Variants in CATSPERT observed in about 807,000 individuals in gnomAD.
CATSPERT encodes the protein cation channel sperm-associated targeting subunit tau.
the CATSPERT span, among the ~76,000 whole-genome samples, chr2:201,545,879 A>G: frequency 1.3e-5 from 2 of 152,094 alleles, no homozygotes; most frequent in Non-Finnish European, 2.9e-5. Context: ...TGGATAGAGT[A>G]TTTGAGTGAT....
chr2:201,494,176 T>C, the CATSPERT span: 2 of 1,533,630 alleles, frequency 1.3e-6, no homozygotes, highest in Non-Finnish European at 1.7e-6. Context: ...TACGTTGTCT[T>C]CCATACTACT....
At chr2:201,566,311 C>T in the CATSPERT span, among the ~76,000 whole-genome samples, 1 of 150,006 alleles carries the variant, frequency 6.7e-6, no homozygotes. Flanking sequence ...CACCCATTAA[C>T]TCGTCATTTA....
At chr2:201,603,119 C>A in the CATSPERT span, 2 of 933,200 alleles carry the variant, frequency 2.1e-6, no homozygotes, top group Non-Finnish European at 1.6e-6. Flanking sequence ...ATAAAATGGT[C>A]AATGTGTTAA....
At chr2:201,520,005 A>G in the CATSPERT span, among the ~76,000 whole-genome samples, 1 of 152,346 alleles carries the variant, frequency 6.6e-6, no homozygotes, top group East Asian at 1.9e-4. Context: ...ACGAAAAGCA[A>G]GCAGGGATAG....
the CATSPERT span, among the ~76,000 whole-genome samples, chr2:201,603,932 T>C: frequency 6.6e-6 from 1 of 152,098 alleles, no homozygotes; most frequent in Admixed American, 6.5e-5. Context: ...TGATAGGAGG[T>C]AGAGGGACAA....
chr2:201,600,729 C>T, the CATSPERT span, among the ~76,000 whole-genome samples: 4 of 150,480 alleles, frequency 2.7e-5, no homozygotes, highest in Non-Finnish European at 5.9e-5. Context: ...TCGATGAATC[C>T]TGCAGCTGTA....
At chr2:201,517,572 G>A in the CATSPERT span, among the ~76,000 whole-genome samples, 17 of 152,198 alleles carry the variant, frequency 1.1e-4, no homozygotes, top group Non-Finnish European at 2.2e-4. Context: ...AGACTTCTAA[G>A]TCAGAAAGAG....
the CATSPERT span, among the ~76,000 whole-genome samples, chr2:201,596,255 T>A: frequency 0.88 from 133,291 of 151,914 alleles, 59,467 homozygotes; most frequent in South Asian, 0.98. Flanking sequence ...ATAAAAAAGA[T>A]GGAGATCATA....
chr2:201,575,383 T>C, the CATSPERT span: 2 of 1,427,840 alleles, frequency 1.4e-6, no homozygotes, highest in East Asian at 2.6e-5. Context: ...TCCCTGTATA[T>C]TATCGAAACC....
the CATSPERT span, among the ~76,000 whole-genome samples, chr2:201,502,768 T>TTATA: frequency 5.3e-5 from 8 of 152,102 alleles, no homozygotes; most frequent in African/African-American, 1.9e-4. Flanking sequence ...GATATGTGGG[T>TTATA]TTATAGTTTT....
At chr2:201,529,163 T>C in the CATSPERT span, among the ~76,000 whole-genome samples, 4 of 152,082 alleles carry the variant, frequency 2.6e-5, no homozygotes, top group African/African-American at 9.7e-5. Context: ...TTTTAAAACA[T>C]CCATACTACC....
chr2:201,491,831 T>C, the CATSPERT span: 2 of 1,537,054 alleles, frequency 1.3e-6, no homozygotes, highest in Non-Finnish European at 1.7e-6. Flanking sequence ...CCACCCCAAC[T>C]ATATGGGTCT....
chr2:201,608,362 T>C, the CATSPERT span, among the ~76,000 whole-genome samples: 3 of 152,164 alleles, frequency 2.0e-5, no homozygotes, highest in Non-Finnish European at 4.4e-5. Context: ...ACCATGATAA[T>C]AATGTGTATA....
the CATSPERT span, chr2:201,537,439 A>T: frequency 1.3e-6 from 2 of 1,590,594 alleles, no homozygotes; most frequent in Non-Finnish European, 1.7e-6. Context: ...CCCTTACCTC[A>T]TTTGCAGTAG....
the CATSPERT span, among the ~76,000 whole-genome samples, chr2:201,515,182 G>T: frequency 8.5e-6 from 1 of 117,962 alleles, no homozygotes; most frequent in Admixed American, 9.6e-5. Context: ...AAGGAATTGA[G>T]TGTTGTGAAT....
the CATSPERT span, among the ~76,000 whole-genome samples, chr2:201,614,643 T>A: frequency 6.6e-6 from 1 of 152,164 alleles, no homozygotes; most frequent in Admixed American, 6.6e-5. Flanking sequence ...AGGAAGAAAC[T>A]ACATCAACTA....
the CATSPERT span, among the ~76,000 whole-genome samples, chr2:201,563,761 T>G: frequency 6.6e-5 from 10 of 152,348 alleles, no homozygotes; most frequent in African/African-American, 2.4e-4. Context: ...CTAGGTTATT[T>G]CAGACCAATC....
At chr2:201,580,477 A>C in the CATSPERT span, among the ~76,000 whole-genome samples, 2 of 152,228 alleles carry the variant, frequency 1.3e-5, no homozygotes, top group Non-Finnish European at 2.9e-5. Flanking sequence ...CTACATTCAT[A>C]AACTGGTATT....
chr2:201,492,527 T>C, the CATSPERT span: 1 of 1,536,096 alleles, frequency 6.5e-7, no homozygotes, highest in Non-Finnish European at 8.7e-7. Context: ...TGAAAAGATA[T>C]TGAGACACTT....
Sources: allele counts gnomAD v4.1 joint callset (sites outside exome capture counted in the v4.1 genomes callset), GRCh38; gene constraint gnomAD v4.1.1; transcripts MANE v1.5; gene names NCBI Gene and HGNC (gene_info 2026-07-23, HGNC 2026-07-21).